The following NIN variants were observed in gnomAD, a reference collection of about 807,000 sequenced individuals.
NIN encodes the protein ninein, also known as glycogen synthase kinase 3 beta-interacting protein.
A neutral mutation model predicts 257.6 loss-of-function variants in NIN; 137 were observed. That is an observed-to-expected ratio of 0.53 (90% CI 0.46 to 0.61). The LOEUF is 0.61. Among genes scored for constraint, NIN ranks in the 20% least tolerant of loss-of-function variants. NIN has a pLI of 0.00. For missense variants in NIN, 2,439 were observed against 2,501.2 expected (o/e 0.98, Z 0.53); for synonymous variants, 918 against 919.8 (o/e 1.00, Z 0.04).
At chr14:50,767,540 A>G (rs1412824403) in intron 12 of NIN, among the ~76,000 whole-genome samples, 1 of 152,218 alleles carries the variant, frequency 6.6e-6, no homozygotes, top group Admixed American at 6.5e-5. Flanking sequence ...ACTCTAGGCC[A>G]GGCATAGTGG....
Position 50,738,088 on chromosome 14 carries a change from A to G in NIN, c.5775+52T>C, listed in dbSNP as rs1407829712. ...ACACCTGAGAAGAAACACACTTAAG[A>G]ACGCATTATAGTGAGAACACAGATG... On this transcript the variant is annotated intron_variant, in intron 27 of 30. Coordinates refer to ENST00000530997, the MANE Select transcript of NIN (RefSeq NM_020921.4). 1.9e-6 allele frequency: 3 copies of G among 1,571,410 alleles called. No homozygotes were observed. The African/African-American group carries it at 4.1e-5, about 21-fold the overall frequency.
chr14:50,759,642 C>T (rs375583607), intron 17 of NIN, among the ~76,000 whole-genome samples: 189 of 152,224 alleles, frequency 1.2e-3, no homozygotes, highest in African/African-American at 4.1e-3. Flanking sequence ...TACAGGCGCC[C>T]GCCACCACGC....
intron 21 of NIN, among the ~76,000 whole-genome samples, chr14:50,749,765 C>A (rs985069852): frequency 1.3e-5 from 2 of 152,184 alleles, no homozygotes; most frequent in African/African-American, 4.8e-5. Context: ...TCTTGGCTCA[C>A]TGCAGCCTCG....
chr14:50,794,691 G>C (rs1411222737), intron 4 of NIN, among the ~76,000 whole-genome samples: 1 of 147,326 alleles, frequency 6.8e-6, no homozygotes, highest in Non-Finnish European at 1.5e-5. Flanking sequence ...CCCAGTATAA[G>C]AACAAAGTTG....
intron 2 of NIN, among the ~76,000 whole-genome samples, chr14:50,827,365 A>C (rs185044785): frequency 8.8e-4 from 134 of 152,328 alleles, no homozygotes; most frequent in African/African-American, 2.9e-3. Context: ...TGGATACCAA[A>C]AGCACAACAA....
rs1166724253 is a variant in NIN, at chr14:50,822,053, C to A, written c.4G>T (p.Asp2Tyr). The change falls in exon 3 of 31, where the codon GAT becomes TAT. Residue 2 changes from aspartate to tyrosine, a missense_variant. Physicochemically the swap from Asp to Tyr is radical, Grantham distance 160. Around this residue, in one of 3 missense-constraint regions of NIN, gnomAD observed 387 missense variants for 427.3 expected, o/e 0.91. Coordinates refer to ENST00000530997, the MANE Select transcript of NIN (RefSeq NM_020921.4). M[D>Y]EVEQDQHEAR... ...TCATGCTGGTCCTGCTCCACCTCAT[C>A]CATCCCATAGCCCACAGTGCTCACC... The A allele has an allele frequency of 6.2e-7, 1 of 1,612,580 alleles. No homozygotes were observed. Among genetic ancestry groups the A allele is most frequent in the African/African-American group, 1.3e-5 (1 of 74,922 alleles).
chr14:50,754,955 G>A lies in NIN; in HGVS notation c.4539-88C>T, dbSNP rs544267635. ...TTTCTAGTAACTTCCAAAAGGATGA[G>A]TATTCAATGCCAGTTAAAAAGAAAA... On this transcript the variant is annotated intron_variant, in intron 18 of 30. Transcript: ENST00000530997. The A allele has an allele frequency of 6.3e-3, 5,203 of 826,252 alleles. 18 individuals carry two copies. The highest frequency in any genetic ancestry group is 7.4e-3 in the Non-Finnish European group (3,902 of 529,802). The allele number at this position is 826,252 out of a possible 1,614,324, so 51.2% of individuals were successfully genotyped here. A position where few individuals can be genotyped will look rare whatever the true frequency, so the allele number is the denominator to read the frequency against.
At position 50,740,740 on chromosome 14, in the gene NIN, C is replaced by T. The variant is rs550347667; in HGVS notation, c.5448+842G>A. Among the ~76,000 whole-genome samples, 11 of 152,288 alleles carry T rather than the reference C, an allele frequency of 7.2e-5. 1 individual carries two copies. In the South Asian group the frequency reaches 2.3e-3, roughly 32 times the overall value. ...CAAGTGGTCTGCCTGCCTCGGCCTC[C>T]CAAAGCGCTGGGATTACAGGCATGA... On this transcript the variant is annotated intron_variant, in intron 25 of 30. Coordinates refer to ENST00000530997, the MANE Select transcript of NIN (RefSeq NM_020921.4).
chr14:50,817,295 A>G (rs1398588983), intron 3 of NIN, among the ~76,000 whole-genome samples: 1 of 152,220 alleles, frequency 6.6e-6, no homozygotes, highest in African/African-American at 2.4e-5. Flanking sequence ...AACAAGTCCA[A>G]ATAAGCACTA....
At chr14:50,736,341 G>T (rs1566784680) in intron 27 of NIN, among the ~76,000 whole-genome samples, 1 of 151,742 alleles carries the variant, frequency 6.6e-6, no homozygotes, top group Non-Finnish European at 1.5e-5. Flanking sequence ...ATTTCACCAT[G>T]TTGATGAGAC....
chr14:50,775,096 G>C (rs1038831767), intron 7 of NIN, among the ~76,000 whole-genome samples: 1 of 152,224 alleles, frequency 6.6e-6, no homozygotes, highest in Non-Finnish European at 1.5e-5. Context: ...AGTAGCGAGT[G>C]CTGGGAAACT....
At chr14:50,797,967 G>A (rs1311150606) in intron 4 of NIN, among the ~76,000 whole-genome samples, 1 of 152,034 alleles carries the variant, frequency 6.6e-6, no homozygotes, top group Non-Finnish European at 1.5e-5. Flanking sequence ...AGCTGGGGTG[G>A]AGGAAAGAAG....
chr14:50,734,086 A>ATT (rs200910856), intron 28 of NIN, among the ~76,000 whole-genome samples: 6 of 138,334 alleles, frequency 4.3e-5, no homozygotes, highest in South Asian at 4.6e-4. Context: ...TTTCTTCTTT[A>ATT]TTTTTTTTTT....
chr14:50,820,455 T>C (rs2045153696), intron 3 of NIN, among the ~76,000 whole-genome samples: 1 of 152,158 alleles, frequency 6.6e-6, no homozygotes, highest in South Asian at 2.1e-4. Flanking sequence ...CAGACTTTAA[T>C]GAGCATTAAA....
At chr14:50,783,937 A>C (rs1158821316) in intron 5 of NIN, among the ~76,000 whole-genome samples, 1 of 147,014 alleles carries the variant, frequency 6.8e-6, no homozygotes, top group African/African-American at 2.7e-5. Context: ...ATTATCACAA[A>C]AATCTTTGGA....
At chr14:50,809,156 G>C (rs796194965) in intron 3 of NIN, among the ~76,000 whole-genome samples, 17 of 152,294 alleles carry the variant, frequency 1.1e-4, no homozygotes, top group African/African-American at 3.6e-4. Flanking sequence ...GGGAGGTGTA[G>C]GTTGCAGTGA....
In NIN at chr14:50,739,500, G is replaced by A. The variant is rs772198371; in HGVS notation, c.5449-13C>T. ...CTGGGGCCCAGCTCTTAAGAGAATT[G>A]CAGAGTGTAAGCCTTAAAAACAAGC... On this transcript the variant is annotated splice_polypyrimidine_tract_variant and intron_variant, in intron 25 of 30. Coordinates refer to ENST00000530997, the MANE Select transcript of NIN (RefSeq NM_020921.4). 8.1e-6 allele frequency: 13 copies of A among 1,613,538 alleles called. No homozygotes were observed. Among genetic ancestry groups the A allele is most frequent in the Admixed American group, 1.7e-5 (1 of 59,968 alleles).
Position 50,720,247 on chromosome 14 carries a change from C to G in NIN, c.*3216G>C, listed in dbSNP as rs2040245550. On this transcript the variant is annotated 3_prime_UTR_variant, in exon 31 of 31. Transcript: ENST00000530997. ...ATTATATCATTCCAATGAGTCACTA[C>G]AGGTAATCCATTCAAAACATGACTT... 1 of 222,494 alleles carries G rather than the reference C, an allele frequency of 4.5e-6. No individual in the cohort carries two copies. The highest frequency in any genetic ancestry group is 1.8e-4 in the South Asian group (1 of 5,442). 13.8% of individuals were successfully genotyped at this position (222,494 alleles called of 1,614,324 possible). A position where few individuals can be genotyped will look rare whatever the true frequency, so the allele number is the denominator to read the frequency against.
intron 3 of NIN, among the ~76,000 whole-genome samples, chr14:50,809,618 G>A (rs922971679): frequency 2.0e-5 from 3 of 152,318 alleles, no homozygotes; most frequent in African/African-American, 7.2e-5. Context: ...GAGGCCATTG[G>A]AAATAACCTT....
Sources: gnomAD v4.1 joint callset for allele counts (sites outside exome capture counted in the v4.1 genomes callset) on GRCh38, gnomAD v4.1.1 for gene constraint, gnomAD v4.1.1 regional missense constraint, MANE v1.5 for transcripts, NCBI Gene and HGNC (gene_info 2026-07-23, HGNC 2026-07-21) for gene names.